The following NRXN3 variants were observed in gnomAD, a reference collection of about 807,000 sequenced individuals.
The protein encoded by NRXN3 is neurexin III.
A neutral mutation model predicts 137.6 loss-of-function variants in NRXN3; 32 were observed. The ratio of observed to expected loss-of-function variants is 0.23; its 90% CI spans 0.18 to 0.31. The LOEUF is 0.31. Among genes scored for constraint, NRXN3 ranks in the 10% least tolerant of loss-of-function variants. The pLI, the probability that NRXN3 is intolerant of heterozygous loss-of-function variation, is 1.00. For synonymous variants in NRXN3, 798 were observed against 784.5 expected, an observed-to-expected ratio of 1.02 and a Z score of -0.29; for missense variants, 1,574 against 2,062.5, an observed-to-expected ratio of 0.76 and a Z score of 4.59.
intron 19 of NRXN3, among the ~76,000 whole-genome samples, chr14:79,709,431 C>T (rs1454383690): frequency 6.6e-6 from 1 of 152,166 alleles, no homozygotes; most frequent in East Asian, 1.9e-4. Flanking sequence ...TTCAGATGCC[C>T]CTTCTTCCTG....
At chr14:79,231,045 T>G (rs2153276118) in intron 15 of NRXN3, among the ~76,000 whole-genome samples, 1 of 152,322 alleles carries the variant, frequency 6.6e-6, no homozygotes, top group East Asian at 1.9e-4. Context: ...AACTCTTGGT[T>G]AATGAAACTA....
At chr14:79,701,850 T>A (rs1358772919) in intron 19 of NRXN3, among the ~76,000 whole-genome samples, 1 of 152,018 alleles carries the variant, frequency 6.6e-6, no homozygotes, top group Non-Finnish European at 1.5e-5. Flanking sequence ...GTGGCTATGT[T>A]ATATGATTGT....
At position 78,651,158 on chromosome 14, in the gene NRXN3, C is replaced by G; in HGVS notation, c.1060-7C>G. 2 of 1,612,764 alleles carry G rather than the reference C, an allele frequency of 1.2e-6. No homozygotes were observed. Among genetic ancestry groups the G allele is most frequent in the South Asian group, 1.1e-5 (1 of 90,972 alleles). ...GGATTTTTTTTGTCCCTATGTCCCTCCACCAGGTGACAATCTCTGTGGATG... is the reference window on the plus strand; with the variant it reads ...GGATTTTTTTTGTCCCTATGTCCCTGCACCAGGTGACAATCTCTGTGGATG... On this transcript the variant is annotated splice_region_variant and splice_polypyrimidine_tract_variant and intron_variant, in intron 5 of 20. Transcript: ENST00000335750.
intron 20 of NRXN3, among the ~76,000 whole-genome samples, chr14:79,840,433 C>A (rs1246117203): frequency 1.4e-5 from 2 of 146,828 alleles, no homozygotes; most frequent in African/African-American, 5.5e-5. Context: ...ATTATGACTC[C>A]TAAGGCTTAA....
chr14:79,279,496 C>T (rs1283702037), intron 15 of NRXN3: 1 of 986,200 alleles, frequency 1.0e-6, no homozygotes, highest in African/African-American at 1.7e-5. Context: ...TTTCGCCCAC[C>T]CACCTCCCTC....
chr14:79,204,113 A>G (rs2066453806), intron 15 of NRXN3, among the ~76,000 whole-genome samples: 1 of 152,146 alleles, frequency 6.6e-6, no homozygotes, highest in Non-Finnish European at 1.5e-5. Context: ...ACTCCCACTC[A>G]CAAGTAAGAT....
At chr14:79,790,189 A>G (rs2099140765) in intron 19 of NRXN3, among the ~76,000 whole-genome samples, 1 of 152,154 alleles carries the variant, frequency 6.6e-6, no homozygotes. Flanking sequence ...AGGCTGTACA[A>G]GCAGTGCCAG....
rs33938281 is a variant in NRXN3, at chr14:79,527,871, CAAAAAAAAA to C, written c.3444+60480_3444+60488del. Among the ~76,000 whole-genome samples, 8 of 118,404 alleles carry C rather than the reference CAAAAAAAAA, an allele frequency of 6.8e-5. 1 individual carries two copies. The Middle Eastern group carries it at 0.013, about 191-fold the overall frequency. The allele number at this position is 118,404 out of a possible 152,430, so 77.7% of individuals were successfully genotyped here. ...GGGCGACAGAATGAGACTCCTTCGC[CAAAAAAAAA>C]AAAAAAAAAAGAAAGAAAAAAGTAA... On this transcript the variant is annotated intron_variant, in intron 16 of 20. Coordinates refer to ENST00000335750, the MANE Select transcript of NRXN3 (RefSeq NM_001330195.2).
At chr14:79,420,799 T>G (rs113880301) in intron 15 of NRXN3, among the ~76,000 whole-genome samples, 1 of 152,186 alleles carries the variant, frequency 6.6e-6, no homozygotes. Flanking sequence ...ATGGCCATCT[T>G]ATTGTCTTGT....
chr14:78,980,523 C>T (rs2099486767), intron 14 of NRXN3, among the ~76,000 whole-genome samples: 1 of 152,150 alleles, frequency 6.6e-6, no homozygotes, highest in Non-Finnish European at 1.5e-5. Context: ...ACTCTATCAA[C>T]TTTGGTTTTC....
At chr14:78,543,855 A>C (rs888121150) in intron 4 of NRXN3, among the ~76,000 whole-genome samples, 10 of 152,174 alleles carry the variant, frequency 6.6e-5, no homozygotes, top group African/African-American at 2.4e-4. Flanking sequence ...AAAACAACAA[A>C]AAAGTCAAAG....
chr14:79,304,711 G>C (rs972864090), intron 15 of NRXN3, among the ~76,000 whole-genome samples: 1 of 152,078 alleles, frequency 6.6e-6, no homozygotes, highest in South Asian at 2.1e-4. Context: ...CTCAAGTTAA[G>C]TTCTGCTGAT....
intron 16 of NRXN3, among the ~76,000 whole-genome samples, chr14:79,512,819 C>T (rs2096944367): frequency 2.6e-5 from 4 of 152,154 alleles, no homozygotes; most frequent in African/African-American, 9.7e-5. Flanking sequence ...AATGAAAGCT[C>T]CCACAAATCA....
At chr14:78,994,544 G>A (rs2099525926) in intron 15 of NRXN3, among the ~76,000 whole-genome samples, 1 of 152,182 alleles carries the variant, frequency 6.6e-6, no homozygotes, top group African/African-American at 2.4e-5. Flanking sequence ...TGAGTCGTTG[G>A]TGGAGATCGA....
rs115755453 is a variant in NRXN3 at position 78,625,245 on chromosome 14, G to A, written c.758-19875G>A. On this transcript the variant is annotated intron_variant, in intron 4 of 20. Coordinates refer to ENST00000335750, the MANE Select transcript of NRXN3 (RefSeq NM_001330195.2). ...TTAAAATTGTACTGGAATCTTATGA[G>A]AAACACGAGGGATTATTCTTTTTGC... Among the ~76,000 whole-genome samples the A allele has an allele frequency of 3.9e-3, 592 of 152,258 alleles. 5 individuals carry two copies. The highest frequency in any genetic ancestry group is 0.013 in the African/African-American group (541 of 41,538).
chr14:79,825,108 T>G (rs1211065740), intron 20 of NRXN3, among the ~76,000 whole-genome samples: 1 of 152,130 alleles, frequency 6.6e-6, no homozygotes, highest in Non-Finnish European at 1.5e-5. Flanking sequence ...TTCTAATGAC[T>G]TCATTTGTTT....
At chr14:78,501,248 T>C (rs749498690) in intron 4 of NRXN3, among the ~76,000 whole-genome samples, 26 of 152,186 alleles carry the variant, frequency 1.7e-4, no homozygotes, top group African/African-American at 3.1e-4. Context: ...AAGGTTATCA[T>C]TGAGGTGTCC....
intron 15 of NRXN3, among the ~76,000 whole-genome samples, chr14:79,422,135 C>T (rs1340153821): frequency 3.3e-5 from 5 of 152,196 alleles, no homozygotes; most frequent in African/African-American, 9.7e-5. Flanking sequence ...GCATGGCTCA[C>T]TGTAGCCTCG....
At chr14:79,556,880 C>T (rs2097434785) in intron 16 of NRXN3, among the ~76,000 whole-genome samples, 1 of 152,158 alleles carries the variant, frequency 6.6e-6, no homozygotes, top group South Asian at 2.1e-4. Flanking sequence ...TTTGGTCCAA[C>T]CCAATGTTGC....
Sources: gnomAD v4.1 joint callset for allele counts (sites outside exome capture counted in the v4.1 genomes callset) on GRCh38, gnomAD v4.1.1 for gene constraint, MANE v1.5 for transcripts, NCBI Gene and HGNC (gene_info 2026-07-23, HGNC 2026-07-21) for gene names.